The following MAF variants were observed in gnomAD, a reference collection of about 807,000 sequenced individuals.
MAF encodes the protein transcription factor Maf.
In MAF, 10 loss-of-function variants were observed where a neutral mutation model predicts 22.0. That is an observed-to-expected ratio of 0.45 (90% CI 0.28 to 0.77). MAF has a LOEUF of 0.77. Ranked by LOEUF, MAF falls within the 30% of genes least tolerant of loss-of-function variation. The pLI, the probability that MAF is intolerant of heterozygous loss-of-function variation, is 0.12. For synonymous variants in MAF, 337 were observed against 255.8 expected, an observed-to-expected ratio of 1.32 and a Z score of -3.03; for missense variants, 544 against 548.4, an observed-to-expected ratio of 0.99 and a Z score of 0.08.
the MAF span, among the ~76,000 whole-genome samples, chr16:79,214,211 A>AT: frequency 6.6e-6 from 1 of 151,634 alleles, no homozygotes; most frequent in Non-Finnish European, 1.5e-5. Context: ...TTATGTGTCT[A>AT]TTTTTTCTGT....
At chr16:79,214,297 G>C in the MAF span, among the ~76,000 whole-genome samples, 2 of 152,136 alleles carry the variant, frequency 1.3e-5, no homozygotes, top group Non-Finnish European at 2.9e-5. Context: ...AACTGCTCCT[G>C]TCACACAGCA....
chr16:79,448,454 C>A, the MAF span, among the ~76,000 whole-genome samples: 5 of 149,682 alleles, frequency 3.3e-5, no homozygotes, highest in South Asian at 1.1e-3. Flanking sequence ...GAGGAGGAGT[C>A]TTGCACTGTC....
rs1242624064 is a variant in MAF, at chr16:79,586,044, G to A, written c.1119-103C>T. On this transcript the variant is annotated intron_variant, in intron 1 of 1. Transcript: ENST00000569649. ...GGCAGCCTAACTATCTATCAAAAGG[G>A]CAGAATTACACCAAAAGAAGAGTGA... 6 of 569,670 alleles carry A rather than the reference G, an allele frequency of 1.1e-5. No homozygotes were observed. The South Asian group carries it at 1.4e-4, about 13-fold the overall frequency. 35.3% of individuals were successfully genotyped at this position (569,670 alleles called of 1,614,324 possible). A position where few individuals can be genotyped will look rare whatever the true frequency, so the allele number is the denominator to read the frequency against.
chr16:79,388,592 G>C, the MAF span, among the ~76,000 whole-genome samples: 1 of 152,106 alleles, frequency 6.6e-6, no homozygotes, highest in African/African-American at 2.4e-5. Flanking sequence ...CTATCTATAA[G>C]CCTTTGTTTG....
the MAF span, among the ~76,000 whole-genome samples, chr16:79,574,392 C>G: frequency 6.6e-6 from 1 of 152,112 alleles, no homozygotes; most frequent in African/African-American, 2.4e-5. Flanking sequence ...TTGGGAATAC[C>G]TCCATCCTTG....
At chr16:79,596,133 A>G (rs1002031918) in intron 1 of MAF, 29 of 1,062,378 alleles carry the variant, frequency 2.7e-5, no homozygotes, top group Middle Eastern at 4.2e-4. Flanking sequence ...TCCTCTGTCT[A>G]TGGATGGCTT....
intron 1 of MAF, 195 bp from the exon 2 acceptor site, chr16:79,594,748 A>G: frequency 1.4e-6 from 2 of 1,384,520 alleles, no homozygotes; most frequent in Non-Finnish European, 1.9e-6. Flanking sequence ...TACTCCCACT[A>G]TACTTCAAAG....
At chr16:79,363,290 G>C in the MAF span, among the ~76,000 whole-genome samples, 1 of 152,126 alleles carries the variant, frequency 6.6e-6, no homozygotes, top group African/African-American at 2.4e-5. Flanking sequence ...TTACAATGGG[G>C]TTATGTCCTG....
the MAF span, among the ~76,000 whole-genome samples, chr16:79,504,119 TGAC>T: frequency 1.3e-5 from 2 of 152,232 alleles, no homozygotes; most frequent in African/African-American, 4.8e-5. Flanking sequence ...TATTCAGATG[TGAC>T]TTTTCACCTT....
chr16:79,317,947 C>T, the MAF span, among the ~76,000 whole-genome samples: 4,816 of 151,622 alleles, frequency 0.032, 281 homozygotes, highest in African/African-American at 0.11. Flanking sequence ...CTCACTCACT[C>T]ACTCACTCAC....
At chr16:79,595,486 G>T in intron 1 of MAF, 1 of 1,059,280 alleles carries the variant, frequency 9.4e-7, no homozygotes, top group Non-Finnish European at 1.1e-6. Flanking sequence ...AAACAGTGCT[G>T]GCTTTGTCTA....
chr16:79,314,343 C>A, the MAF span, among the ~76,000 whole-genome samples: 1 of 152,170 alleles, frequency 6.6e-6, no homozygotes, highest in Non-Finnish European at 1.5e-5. Flanking sequence ...TCATAAGTAC[C>A]CCAGGGCTCT....
the MAF span, among the ~76,000 whole-genome samples, chr16:79,328,138 A>T: frequency 6.6e-6 from 1 of 152,248 alleles, no homozygotes; most frequent in Non-Finnish European, 1.5e-5. Context: ...GGAAGTGATT[A>T]GCACCTGACA....
chr16:79,469,843 C>T, the MAF span, among the ~76,000 whole-genome samples: 4 of 152,162 alleles, frequency 2.6e-5, no homozygotes, highest in Admixed American at 2.6e-4. Flanking sequence ...GATCCACCCA[C>T]CTCGGCCTCC....
At chr16:79,464,203 G>A in the MAF span, among the ~76,000 whole-genome samples, 4 of 152,256 alleles carry the variant, frequency 2.6e-5, no homozygotes, top group African/African-American at 9.6e-5. Flanking sequence ...TTTGGAATAG[G>A]AGTACAGGGC....
chr16:79,330,823 G>C, the MAF span, among the ~76,000 whole-genome samples: 18 of 152,312 alleles, frequency 1.2e-4, no homozygotes, highest in East Asian at 2.9e-3. Context: ...GAAGGGACTG[G>C]CTCCTGGTCA....
the MAF span, among the ~76,000 whole-genome samples, chr16:79,341,326 G>T: frequency 2.6e-5 from 4 of 152,212 alleles, no homozygotes; most frequent in African/African-American, 9.6e-5. Context: ...GCTATGGTGA[G>T]AATTAAATGA....
chr16:79,523,110 G>A, the MAF span, among the ~76,000 whole-genome samples: 1 of 152,144 alleles, frequency 6.6e-6, no homozygotes, highest in Non-Finnish European at 1.5e-5. Flanking sequence ...TCCATCTTGA[G>A]CTTTTTCTGA....
chr16:79,586,310 G>T (rs1567557095), intron 1 of MAF, among the ~76,000 whole-genome samples: 4 of 152,206 alleles, frequency 2.6e-5, no homozygotes, highest in Non-Finnish European at 5.9e-5. Context: ...AATCATTTCT[G>T]TTGGGCTTCT....
Sources: allele counts gnomAD v4.1 joint callset (sites outside exome capture counted in the v4.1 genomes callset), GRCh38; gene constraint gnomAD v4.1.1; transcripts MANE v1.5; gene names NCBI Gene and HGNC (gene_info 2026-07-23, HGNC 2026-07-21).